Variants in NPNT observed in about 807,000 individuals in gnomAD.
NPNT encodes the protein nephronectin.
In NPNT, 45 loss-of-function variants were observed where a neutral mutation model predicts 68.6. The observed-to-expected ratio is 0.66, with a 90% CI of 0.52 to 0.84. NPNT has a LOEUF of 0.84. Among genes scored for constraint, NPNT ranks in the 40% least tolerant of loss-of-function variants. The pLI is 0.00. For synonymous variants in NPNT, 233 were observed against 253.3 expected, an observed-to-expected ratio of 0.92 and a Z score of 0.76; for missense variants, 672 against 714.8, an observed-to-expected ratio of 0.94 and a Z score of 0.68.
chr4:105,896,211 T>C (rs1725829967), intron 1 of NPNT, among the ~76,000 whole-genome samples: 1 of 151,958 alleles, frequency 6.6e-6, no homozygotes, highest in South Asian at 2.1e-4. Context: ...GCGACTGGGC[T>C]ACGGGGGAGA....
At chr4:105,896,827 T>C (rs1371456734) in intron 1 of NPNT, among the ~76,000 whole-genome samples, 1 of 152,196 alleles carries the variant, frequency 6.6e-6, no homozygotes, top group African/African-American at 2.4e-5. Context: ...GGGGTTATTT[T>C]GTACTTTGGG....
At chr4:105,961,332 C>T (rs189983275) in intron 10 of NPNT, among the ~76,000 whole-genome samples, 2 of 152,226 alleles carry the variant, frequency 1.3e-5, no homozygotes, top group East Asian at 1.9e-4. Flanking sequence ...TGACCACTGA[C>T]CTGGAGTAGT....
At chr4:105,911,778 A>C (rs540488497) in intron 2 of NPNT, 2 of 197,134 alleles carry the variant, frequency 1.0e-5, no homozygotes, top group South Asian at 1.7e-4. Context: ...CTTTCTTACT[A>C]ATTGATCAAA....
chr4:105,948,943 A>G (rs1417925278), intron 8 of NPNT, among the ~76,000 whole-genome samples: 1 of 152,130 alleles, frequency 6.6e-6, no homozygotes, highest in East Asian at 1.9e-4. Flanking sequence ...TTTAGGTTAT[A>G]TGACTAGAAA....
intron 2 of NPNT, among the ~76,000 whole-genome samples, chr4:105,924,991 A>G (rs966532463): frequency 2.6e-5 from 4 of 152,132 alleles, no homozygotes; most frequent in Middle Eastern, 3.2e-3. Context: ...GCATGCATAT[A>G]TAAATGTTAA....
At chr4:105,934,933 T>C (rs949513874) in intron 3 of NPNT, among the ~76,000 whole-genome samples, 13 of 152,144 alleles carry the variant, frequency 8.5e-5, no homozygotes, top group African/African-American at 2.9e-4. Flanking sequence ...ACCATAGCAA[T>C]CCTAAGGGGC....
At chr4:105,947,756 C>A (rs1007668996) in intron 8 of NPNT, among the ~76,000 whole-genome samples, 1 of 151,950 alleles carries the variant, frequency 6.6e-6, no homozygotes, top group Non-Finnish European at 1.5e-5. Flanking sequence ...TTGACTGGTC[C>A]TTTGAACATT....
At chr4:105,946,533 A>G (rs933945501) in intron 8 of NPNT, among the ~76,000 whole-genome samples, 3 of 152,166 alleles carry the variant, frequency 2.0e-5, no homozygotes, top group Non-Finnish European at 4.4e-5. Flanking sequence ...AAGAGTACGA[A>G]GAGAGGAATT....
chr4:105,949,820 T>C (rs1359680708), intron 8 of NPNT, among the ~76,000 whole-genome samples: 8 of 152,202 alleles, frequency 5.3e-5, no homozygotes, highest in African/African-American at 1.7e-4. Flanking sequence ...TGACTCCAAT[T>C]AGATATAAAA....
intron 2 of NPNT, among the ~76,000 whole-genome samples, chr4:105,920,021 C>T (rs1728125654): frequency 6.6e-6 from 1 of 151,888 alleles, no homozygotes. Context: ...CAAATTTCGC[C>T]GTTCCTTCTA....
chr4:105,952,191 T>C (rs953945469), intron 8 of NPNT, among the ~76,000 whole-genome samples: 9 of 152,218 alleles, frequency 5.9e-5, no homozygotes, highest in African/African-American at 1.9e-4. Context: ...TTTCTCATGC[T>C]TTTTATTATG....
Position 105,895,659 on chromosome 4 carries a change from T to C in NPNT, c.7T>C (p.Phe3Leu). The C allele has an allele frequency of 6.4e-7, 1 of 1,551,156 alleles. No individual in the cohort carries two copies. The highest frequency in any genetic ancestry group is 8.7e-7 in the Non-Finnish European group (1 of 1,147,248). MD[F>L]LLALVLVSSL... ...CCAGGACCCGCTGCCCAACATGGAT[T>C]TTCTCCTGGCGCTGGTGCTGGTATC... The change falls in exon 1 of 12, where the codon TTT (phenylalanine) becomes CTT (leucine). Residue 3 changes from phenylalanine to leucine, a missense_variant. Phe to Leu is a conservative substitution (Grantham distance 22). Coordinates refer to ENST00000379987, the MANE Select transcript of NPNT (RefSeq NM_001033047.3).
chr4:105,960,352 T>G (rs1182455668), intron 10 of NPNT, among the ~76,000 whole-genome samples: 9 of 152,210 alleles, frequency 5.9e-5, no homozygotes, highest in Non-Finnish European at 1.3e-4. Flanking sequence ...CTTCTCAAAC[T>G]TCACTGTGAT....
intron 3 of NPNT, among the ~76,000 whole-genome samples, chr4:105,928,810 C>T (rs182363220): frequency 2.7e-3 from 408 of 152,040 alleles, no homozygotes; most frequent in Non-Finnish European, 5.2e-3. Flanking sequence ...CCCTTACATA[C>T]TTACTTGACC....
chr4:105,907,546 A>G (rs1727007395), intron 2 of NPNT, among the ~76,000 whole-genome samples: 1 of 152,142 alleles, frequency 6.6e-6, no homozygotes, highest in African/African-American at 2.4e-5. Context: ...ACGGTAACAA[A>G]CAAATGATCA....
chr4:105,924,049 C>A lies in NPNT; in HGVS notation c.173-3287C>A, dbSNP rs528116962. 1.4e-3 allele frequency among the ~76,000 whole-genome samples: 214 copies of A among 151,280 alleles called. 1 individual carries two copies. The highest frequency in any genetic ancestry group is 4.7e-3 in the African/African-American group (194 of 40,958). ...AGTCCCCTTTGCTGCGCCCCCCCCC[C>A]ACCACTTTGCTTATATTCTGAAAGT... On this transcript the variant is annotated intron_variant, in intron 2 of 11. Transcript: ENST00000379987.
rs1294384059 is a variant in NPNT at position 105,967,368 on chromosome 4, C to T, written c.1526C>T (p.Ala509Val). 1.2e-6 allele frequency: 2 copies of T among 1,608,678 alleles called. No individual in the cohort carries two copies. Among genetic ancestry groups the T allele is most frequent in the South Asian group, 2.2e-5 (2 of 90,014 alleles). ...GTGAGAAAACACGGTGCCCACGGAG[C>T]AGCCCTGTGGGGAAGAAATGGTGGC... ...VFVRKHGAHG[A>V]ALWGRNGGHG... The change falls in exon 11 of 12, where the codon GCA becomes GTA. Residue 509 changes from alanine to valine, a missense_variant. By Grantham distance (64) the Ala-to-Val change is moderately conservative (BLOSUM62 0). Coordinates refer to ENST00000379987, the MANE Select transcript of NPNT (RefSeq NM_001033047.3).
At chr4:105,907,947 A>ATGTG in intron 2 of NPNT, among the ~76,000 whole-genome samples, 1 of 152,118 alleles carries the variant, frequency 6.6e-6, no homozygotes, top group Non-Finnish European at 1.5e-5. Flanking sequence ...AAGCATTATG[A>ATGTG]TGTGTGGTAA....
Position 105,898,074 on chromosome 4 carries a change from CA to C in NPNT, c.172+74del. The C allele has an allele frequency of 3.0e-6, 3 of 1,009,908 alleles. No homozygotes were observed. The South Asian group carries it at 4.7e-5, about 16-fold the overall frequency. The allele number at this position is 1,009,908 out of a possible 1,614,324, so 62.6% of individuals were successfully genotyped here. On this transcript the variant is annotated intron_variant, in intron 2 of 11. Coordinates refer to ENST00000379987, the MANE Select transcript of NPNT (RefSeq NM_001033047.3). ...CCACCTTGTTCATGGCTTCACCCCA[CA>C]TATCAGAGGGTTCATTACTGAGCAA...
Sources: gnomAD v4.1 joint callset for allele counts (sites outside exome capture counted in the v4.1 genomes callset) on GRCh38, gnomAD v4.1.1 for gene constraint, MANE v1.5 for transcripts, NCBI Gene and HGNC (gene_info 2026-07-23, HGNC 2026-07-21) for gene names.